The following CEP89 variants were observed in gnomAD, a reference collection of about 807,000 sequenced individuals.
The protein encoded by CEP89 is centrosomal protein 89.
Under a neutral mutation model 97.6 loss-of-function variants are expected in CEP89, and 95 were observed. The observed-to-expected ratio is 0.97, with a 90% CI of 0.82 to 1.15. CEP89 has a LOEUF of 1.15. CEP89 is among the 50% of genes most tolerant of loss of function. CEP89 has a pLI of 0.00. For missense variants in CEP89, 869 were observed against 947.7 expected, an observed-to-expected ratio of 0.92 and a Z score of 1.09; for synonymous variants, 354 against 349.1, an observed-to-expected ratio of 1.01 and a Z score of -0.16.
chr19:32,913,316 G>T (rs201297611), intron 14 of CEP89, among the ~76,000 whole-genome samples: 59 of 24,490 alleles, frequency 2.4e-3, no homozygotes, highest in Middle Eastern at 0.013. Flanking sequence ...TTTTTTTGTT[G>T]TTGTTGTTGT....
intron 17 of CEP89, among the ~76,000 whole-genome samples, chr19:32,887,382 T>C (rs1245267719): frequency 6.6e-6 from 1 of 151,844 alleles, no homozygotes; most frequent in African/African-American, 2.4e-5. Context: ...CATGCCTGGC[T>C]AACTTTTTAA....
chr19:32,949,142 G>A (rs1970859148), intron 4 of CEP89, among the ~76,000 whole-genome samples: 1 of 152,176 alleles, frequency 6.6e-6, no homozygotes, highest in Non-Finnish European at 1.5e-5. Context: ...CATTTACTGA[G>A]GGACTCCCCT....
chr19:32,934,595 T>G (rs558220483), intron 7 of CEP89, among the ~76,000 whole-genome samples: 3 of 151,826 alleles, frequency 2.0e-5, no homozygotes, highest in African/African-American at 7.3e-5. Context: ...CACACACATA[T>G]CCAATCCCTA....
In CEP89 at chr19:32,906,062, C is replaced by T. The variant is rs376890514; in HGVS notation, c.1566-4650G>A. ...TTGTACTTGAGTAGTACTGCTTTTC[C>T]TGCCCTTTTACTTTTGACCTTTCTC... On this transcript the variant is annotated intron_variant, in intron 14 of 18. Transcript: ENST00000305768. Among the ~76,000 whole-genome samples the T allele has an allele frequency of 5.9e-5, 9 of 152,208 alleles. No individual in the cohort carries two copies. The East Asian group carries it at 1.7e-3, about 29-fold the overall frequency.
chr19:32,887,101 G>A (rs1969414956), intron 17 of CEP89, among the ~76,000 whole-genome samples: 4 of 151,706 alleles, frequency 2.6e-5, no homozygotes, highest in Admixed American at 1.3e-4. Flanking sequence ...TGAGGCAGGA[G>A]GATCCACTGA....
At chr19:32,919,964 T>C (rs1970213736) in intron 12 of CEP89, among the ~76,000 whole-genome samples, 1 of 152,088 alleles carries the variant, frequency 6.6e-6, no homozygotes, top group Non-Finnish European at 1.5e-5. Context: ...GACTAATTTA[T>C]AAGACTTTTT....
chr19:32,900,888 CTT>C (rs34188586), intron 15 of CEP89, among the ~76,000 whole-genome samples: 65 of 138,070 alleles, frequency 4.7e-4, no homozygotes, highest in Middle Eastern at 3.8e-3. Flanking sequence ...CTTCATTTGT[CTT>C]TTTTTTTTTT....
At chr19:32,932,785 T>TA (rs11315162) in intron 8 of CEP89, among the ~76,000 whole-genome samples, 258 of 143,444 alleles carry the variant, frequency 1.8e-3, no homozygotes, top group Middle Eastern at 3.5e-3. Context: ...TAAAAAAAAT[T>TA]AAAAAAAAAA....
intron 8 of CEP89, among the ~76,000 whole-genome samples, 181 bp from the exon 9 acceptor site, chr19:32,931,752 G>A (rs900105107): frequency 6.6e-6 from 1 of 152,066 alleles, no homozygotes; most frequent in Admixed American, 6.6e-5. Flanking sequence ...AAGTTACAAC[G>A]TTTTTTAACA....
chr19:32,949,659 C>T (rs1450813204), intron 4 of CEP89, among the ~76,000 whole-genome samples: 1 of 152,064 alleles, frequency 6.6e-6, no homozygotes, highest in Non-Finnish European at 1.5e-5. Context: ...GCTGTGATTA[C>T]AGGCATGAGC....
At chr19:32,882,923 A>G (rs574217832) in intron 17 of CEP89, among the ~76,000 whole-genome samples, 2 of 152,148 alleles carry the variant, frequency 1.3e-5, no homozygotes, top group East Asian at 1.9e-4. Context: ...CAGTGGCGCA[A>G]TATCAGCTCA....
intron 9 of CEP89, among the ~76,000 whole-genome samples, chr19:32,928,372 CCT>C (rs1041872468): frequency 2.0e-5 from 3 of 150,996 alleles, no homozygotes; most frequent in Non-Finnish European, 3.0e-5. Context: ...CTTCCTCCCT[CCT>C]CTCTCTCTCT....
rs199864836 is a variant in CEP89, at chr19:32,927,133, C to T, written c.1030-149G>A. On this transcript the variant is annotated intron_variant, in intron 9 of 18. Transcript: ENST00000305768. ...CTACCCACCCACCTACCCACCTACC[C>T]ATCCATCCATCCATCCATCCATCCA... 68 of 190,860 alleles carry T rather than the reference C, an allele frequency of 3.6e-4. No homozygotes were observed. In the Admixed American group the frequency reaches 5.8e-3, roughly 16 times the overall value. The allele number at this position is 190,860 out of a possible 1,614,324, so 11.8% of individuals were successfully genotyped here.
chr19:32,915,021 A>C (rs890761359), intron 14 of CEP89, among the ~76,000 whole-genome samples: 9 of 145,156 alleles, frequency 6.2e-5, no homozygotes, highest in African/African-American at 7.7e-5. Context: ...AGTCCGTCCC[A>C]AAAAAAAAAA....
At chr19:32,937,510 G>A (rs969931967) in intron 7 of CEP89, 121 bp downstream of exon 7, 17 of 823,866 alleles carry the variant, frequency 2.1e-5, no homozygotes, top group Non-Finnish European at 3.5e-5. Flanking sequence ...TTGAGGCAAG[G>A]GTGAAAGTTC....
chr19:32,879,249 G>A lies in CEP89; in HGVS notation c.2265C>T (p.Pro755=). 1 of 1,613,948 alleles carries A rather than the reference G, an allele frequency of 6.2e-7. No homozygotes were observed. Among genetic ancestry groups the A allele is most frequent in the Non-Finnish European group, 8.5e-7 (1 of 1,179,782 alleles). The change falls in exon 19 of 19, where the codon CCC becomes CCT. Residue 755 remains proline, a synonymous_variant. Transcript: ENST00000305768. The part of the protein sequence containing the change: ...VQDNPRALVA[P]SLNGVSQADL... Reference sequence around the variant, plus strand: ...CTGCCTGAGAGACGCCATTGAGGCTGGGGGCAACCAGAGCTCTGGGGTTGT... The same window carrying A: ...CTGCCTGAGAGACGCCATTGAGGCTAGGGGCAACCAGAGCTCTGGGGTTGT...
At chr19:32,938,665 C>T (rs182767186) in intron 6 of CEP89, among the ~76,000 whole-genome samples, 1 of 152,210 alleles carries the variant, frequency 6.6e-6, no homozygotes, top group East Asian at 1.9e-4. Context: ...ATTCTCAGGC[C>T]AGGCCAGGTG....
intron 3 of CEP89, among the ~76,000 whole-genome samples, chr19:32,954,169 G>C (rs897433997): frequency 6.6e-6 from 1 of 151,410 alleles, no homozygotes; most frequent in Non-Finnish European, 1.5e-5. Context: ...CACTGTGCCC[G>C]GCCAGTATCA....
At chr19:32,968,196 C>T (rs1273472789) in intron 1 of CEP89, among the ~76,000 whole-genome samples, 1 of 152,116 alleles carries the variant, frequency 6.6e-6, no homozygotes. Context: ...TCCACAGTTT[C>T]CATGTTTCCA....
Sources: gnomAD v4.1 joint callset for allele counts (sites outside exome capture counted in the v4.1 genomes callset) on GRCh38, gnomAD v4.1.1 for gene constraint, MANE v1.5 for transcripts, NCBI Gene and HGNC (gene_info 2026-07-23, HGNC 2026-07-21) for gene names.